KREMEN1: variants seen among roughly 807,000 people sequenced by gnomAD.
KREMEN1 encodes kremen protein 1.
Under a neutral mutation model 46.5 loss-of-function variants are expected in KREMEN1, and 30 were observed. The ratio of observed to expected loss-of-function variants is 0.65; its 90% CI spans 0.48 to 0.88. KREMEN1 has a LOEUF of 0.88. Ranked by LOEUF, KREMEN1 falls within the 40% of genes least tolerant of loss-of-function variation. The probability of loss-of-function intolerance (pLI) is 0.00; values close to 1 mark genes in which losing one functional copy is unlikely to be tolerated. For missense variants in KREMEN1, 533 were observed against 596.9 expected, an observed-to-expected ratio of 0.89 and a Z score of 1.11; for synonymous variants, 214 against 230.6, an observed-to-expected ratio of 0.93 and a Z score of 0.65.
At chr22:29,106,796 G>A (rs1452641326) in intron 3 of KREMEN1, among the ~76,000 whole-genome samples, 2 of 152,212 alleles carry the variant, frequency 1.3e-5, no homozygotes, top group Non-Finnish European at 2.9e-5. Flanking sequence ...GGGAATTAAA[G>A]TTTGAAATTC....
At position 29,143,611 on chromosome 22, in the gene KREMEN1, G is replaced by A. The variant is rs1349505926; in HGVS notation, c.*1499G>A. The A allele has an allele frequency of 1.6e-6, 1 of 631,326 alleles. No individual in the cohort carries two copies. The highest frequency in any genetic ancestry group is 2.0e-6 in the Non-Finnish European group (1 of 506,662). The allele number at this position is 631,326 out of a possible 1,614,324, so 39.1% of individuals were successfully genotyped here. A position where few individuals can be genotyped will look rare whatever the true frequency, so the allele number is the denominator to read the frequency against. ...CAAAAAATTAGCTGGGTGTGGTGGT[G>A]GGCGCCTGTAGTCCCAGCTGCTCGG... On this transcript the variant is annotated 3_prime_UTR_variant, in exon 9 of 9. Coordinates refer to ENST00000400335, the MANE Select transcript of KREMEN1 (RefSeq NM_001039570.3).
intron 3 of KREMEN1, among the ~76,000 whole-genome samples, chr22:29,111,388 G>A (rs1264209395): frequency 1.1e-4 from 17 of 151,770 alleles, no homozygotes; most frequent in East Asian, 1.9e-4. Context: ...CGAGGCGGGC[G>A]GATCATGAGG....
chr22:29,141,363 T>C (rs1177069140), intron 8 of KREMEN1, among the ~76,000 whole-genome samples: 1 of 152,148 alleles, frequency 6.6e-6, no homozygotes, highest in Non-Finnish European at 1.5e-5. Flanking sequence ...CCTCTCAGGC[T>C]CAGTCCTGAC....
chr22:29,138,873 T>G, intron 7 of KREMEN1, 91 bp downstream of exon 7: 1 of 1,583,130 alleles, frequency 6.3e-7, no homozygotes, highest in Non-Finnish European at 8.7e-7. Context: ...AGCACTTGGG[T>G]GTTTCTTATT....
chr22:29,163,100 C>T (rs1197420488), intron 9 of KREMEN1, among the ~76,000 whole-genome samples: 1 of 152,024 alleles, frequency 6.6e-6, no homozygotes, highest in Non-Finnish European at 1.5e-5. Flanking sequence ...GTAATCCCCA[C>T]GTGTTGAGGG....
At chr22:29,133,303 CTTT>C (rs745679282) in intron 5 of KREMEN1, among the ~76,000 whole-genome samples, 1 of 141,888 alleles carries the variant, frequency 7.0e-6, no homozygotes, top group Non-Finnish European at 1.5e-5. Flanking sequence ...TGGTTTTCAA[CTTT>C]TTTTTTTTTT....
At chr22:29,074,678 G>A (rs921038693) in intron 1 of KREMEN1, among the ~76,000 whole-genome samples, 20 of 152,238 alleles carry the variant, frequency 1.3e-4, no homozygotes, top group Non-Finnish European at 2.8e-4. Flanking sequence ...ACTGATGTTG[G>A]AAAGGATGGG....
chr22:29,145,907 T>G lies in KREMEN1; in HGVS notation c.*3795T>G. The G allele has an allele frequency of 1.0e-6, 1 of 985,874 alleles. No individual in the cohort carries two copies. Among genetic ancestry groups the G allele is most frequent in the Non-Finnish European group, 1.2e-6 (1 of 830,014 alleles). 61.1% of individuals were successfully genotyped at this position (985,874 alleles called of 1,614,324 possible). On this transcript the variant is annotated 3_prime_UTR_variant, in exon 9 of 9. Transcript: ENST00000400335. The stretch of plus-strand genomic sequence containing the variant: ...GTGCCTGGGTGCGGCTCCACCCACA[T>G]GCCCCACTGTCAGCCCAGGCAGGAG...
intron 9 of KREMEN1, among the ~76,000 whole-genome samples, chr22:29,153,646 ACCATG>A (rs2038935750): frequency 6.6e-6 from 1 of 151,916 alleles, no homozygotes; most frequent in South Asian, 2.1e-4. Context: ...GGCACCAGCC[ACCATG>A]CCTGGCTCCT....
At chr22:29,076,637 G>C (rs1232102450) in intron 1 of KREMEN1, among the ~76,000 whole-genome samples, 3 of 152,142 alleles carry the variant, frequency 2.0e-5, no homozygotes, top group African/African-American at 7.2e-5. Flanking sequence ...GATCACCTGA[G>C]GTCAGGAGTT....
chr22:29,085,970 C>CA (rs134633), intron 1 of KREMEN1, among the ~76,000 whole-genome samples: 70,540 of 140,756 alleles, frequency 0.5, 18,123 homozygotes, highest in Middle Eastern at 0.63. Flanking sequence ...TACCCTGTCT[C>CA]AAAAAAAAAA....
chr22:29,105,485 A>ACACACACACG (rs2038045739), intron 3 of KREMEN1, among the ~76,000 whole-genome samples: 1 of 145,632 alleles, frequency 6.9e-6, no homozygotes, highest in Non-Finnish European at 1.5e-5. Context: ...ACATACACAC[A>ACACACACACG]CACACACACA....
At chr22:29,138,916 T>G in intron 7 of KREMEN1, 134 bp downstream of exon 7, 1 of 1,296,686 alleles carries the variant, frequency 7.7e-7, no homozygotes, top group Non-Finnish European at 1.1e-6. Context: ...CTCTGTGACC[T>G]ATAGTCTGTC....
At chr22:29,165,106 G>A (rs1177185806) in intron 9 of KREMEN1, among the ~76,000 whole-genome samples, 1 of 152,086 alleles carries the variant, frequency 6.6e-6, no homozygotes, top group African/African-American at 2.4e-5. Context: ...CTGGGAGGTG[G>A]AGGTTGCTGT....
At chr22:29,092,833 G>A (rs898765494) in intron 1 of KREMEN1, among the ~76,000 whole-genome samples, 4 of 152,074 alleles carry the variant, frequency 2.6e-5, no homozygotes, top group Admixed American at 6.6e-5. Flanking sequence ...AAATTAGCTG[G>A]GCATGGTGGT....
At chr22:29,153,072 G>A (rs994148476) in intron 9 of KREMEN1, among the ~76,000 whole-genome samples, 1 of 152,204 alleles carries the variant, frequency 6.6e-6, no homozygotes, top group South Asian at 2.1e-4. Flanking sequence ...ACCATATAGG[G>A]TAACTTCCAG....
At chr22:29,101,820 G>T (rs921875723) in intron 3 of KREMEN1, among the ~76,000 whole-genome samples, 8 of 152,172 alleles carry the variant, frequency 5.3e-5, no homozygotes, top group Non-Finnish European at 1.2e-4. Context: ...TGCACTCTAT[G>T]ATGGTCACAC....
At position 29,142,276 on chromosome 22, in the gene KREMEN1, G is replaced by T. The variant is rs1184140668; in HGVS notation, c.*164G>T. On this transcript the variant is annotated 3_prime_UTR_variant, in exon 9 of 9. Coordinates refer to ENST00000400335, the MANE Select transcript of KREMEN1 (RefSeq NM_001039570.3). ...ACAGACTAGGAAGAGGCACCCTGCTGCCAGGGCAGGCAGAGCCTGGATTCC... is the reference window on the plus strand; with the variant it reads ...ACAGACTAGGAAGAGGCACCCTGCTTCCAGGGCAGGCAGAGCCTGGATTCC... 3 of 1,329,854 alleles carry T rather than the reference G, an allele frequency of 2.3e-6. No homozygotes were observed. Among genetic ancestry groups the T allele is most frequent in the Non-Finnish European group, 9.6e-7 (1 of 1,045,192 alleles). 82.4% of individuals were successfully genotyped at this position (1,329,854 alleles called of 1,614,324 possible).
At chr22:29,167,932 G>A (rs2039067786) in exon 10 of KREMEN1, 1 of 152,444 alleles carries the variant, frequency 6.6e-6, no homozygotes. Context: ...AGATGAGGAT[G>A]ACGGGTGATG....
Sources: gnomAD v4.1 joint callset for allele counts (sites outside exome capture counted in the v4.1 genomes callset) on GRCh38, gnomAD v4.1.1 for gene constraint, MANE v1.5 for transcripts, NCBI Gene and HGNC (gene_info 2026-07-23, HGNC 2026-07-21) for gene names.